CLDN10: variants seen among roughly 807,000 people sequenced by gnomAD.
CLDN10 encodes the protein claudin 10, also known as claudin-10.
Under a neutral mutation model 22.9 loss-of-function variants are expected in CLDN10, and 15 were observed. The observed-to-expected ratio is 0.65, with a 90% CI of 0.44 to 1.01. CLDN10 has a LOEUF of 1.01. CLDN10 is among the 50% of genes least tolerant of loss of function. CLDN10 has a pLI of 0.00. For missense variants in CLDN10, 247 were observed against 287.8 expected (o/e 0.86, Z 1.03); for synonymous variants, 114 against 111.4 (o/e 1.02, Z -0.15).
At chr13:95,506,737 AG>A (rs2043042762) in intron 1 of CLDN10, among the ~76,000 whole-genome samples, 1 of 152,338 alleles carries the variant, frequency 6.6e-6, no homozygotes, top group Admixed American at 6.5e-5. Flanking sequence ...GTTGTAGTCT[AG>A]GGTCCATCAG....
chr13:95,529,964 C>G (rs1318782857), intron 1 of CLDN10, among the ~76,000 whole-genome samples: 1 of 152,032 alleles, frequency 6.6e-6, no homozygotes, highest in Non-Finnish European at 1.5e-5. Flanking sequence ...AGGTCACTTT[C>G]ACTATTTAAA....
intron 1 of CLDN10, among the ~76,000 whole-genome samples, chr13:95,524,789 G>T (rs981114461): frequency 6.6e-6 from 1 of 151,846 alleles, no homozygotes; most frequent in Non-Finnish European, 1.5e-5. Flanking sequence ...ATGTATGAGG[G>T]TTCTAATTTC....
chr13:95,435,044 T>C (rs1008710275), intron 1 of CLDN10, among the ~76,000 whole-genome samples: 1 of 152,218 alleles, frequency 6.6e-6, no homozygotes, highest in African/African-American at 2.4e-5. Flanking sequence ...GGGCAAGCTT[T>C]CATCGTTGTG....
At chr13:95,458,376 T>C (rs1157826953) in intron 1 of CLDN10, among the ~76,000 whole-genome samples, 1 of 152,152 alleles carries the variant, frequency 6.6e-6, no homozygotes, top group Non-Finnish European at 1.5e-5. Context: ...ATTTTCACAT[T>C]GCTATAAGGA....
intron 1 of CLDN10, among the ~76,000 whole-genome samples, chr13:95,493,046 C>T (rs530251261): frequency 2.6e-5 from 4 of 152,304 alleles, no homozygotes; most frequent in East Asian, 1.9e-4. Flanking sequence ...CCTGCAGGGG[C>T]AGTCCGCTTC....
chr13:95,555,703 C>T (rs2043630290), intron 1 of CLDN10, among the ~76,000 whole-genome samples: 1 of 152,188 alleles, frequency 6.6e-6, no homozygotes. Flanking sequence ...CTGTATCTCT[C>T]AGAATAACAT....
intron 1 of CLDN10, among the ~76,000 whole-genome samples, chr13:95,539,340 T>A (rs1037736682): frequency 2.6e-5 from 4 of 152,248 alleles, no homozygotes; most frequent in African/African-American, 9.6e-5. Context: ...GCATTACAAT[T>A]GGATTGTGAA....
At chr13:95,494,206 C>T (rs979072670) in intron 1 of CLDN10, among the ~76,000 whole-genome samples, 15 of 152,132 alleles carry the variant, frequency 9.9e-5, no homozygotes, top group African/African-American at 3.6e-4. Flanking sequence ...TTAATTTGTC[C>T]TGACAACCTT....
At chr13:95,561,734 T>G (rs1191974778) in intron 3 of CLDN10, among the ~76,000 whole-genome samples, 1 of 151,894 alleles carries the variant, frequency 6.6e-6, no homozygotes, top group Non-Finnish European at 1.5e-5. Flanking sequence ...ATATGCTACA[T>G]GTACTGTTCA....
chr13:95,535,903 A>G (rs939707741), intron 1 of CLDN10, among the ~76,000 whole-genome samples: 2 of 152,172 alleles, frequency 1.3e-5, no homozygotes, highest in African/African-American at 4.8e-5. Context: ...AGCAACTATG[A>G]AAAAGGTGCA....
chr13:95,526,337 A>T (rs1213890208), intron 1 of CLDN10, among the ~76,000 whole-genome samples: 1 of 152,150 alleles, frequency 6.6e-6, no homozygotes, highest in Non-Finnish European at 1.5e-5. Context: ...GTTCTTCAGC[A>T]TGGGAATTTA....
In CLDN10 at chr13:95,538,304, G is replaced by GT. The variant is rs1026577848; in HGVS notation, c.215-21821dup. 3.3e-5 allele frequency among the ~76,000 whole-genome samples: 5 copies of GT among 151,290 alleles called. No individual in the cohort carries two copies. In the East Asian group the frequency reaches 5.8e-4, roughly 18 times the overall value. ...AGGCGCCCACCACCACGCCTGGCTA[G>GT]TTTTTTTGTATTTTTTGTAGAGACA... is the stretch of plus-strand genomic sequence containing the variant. On this transcript the variant is annotated intron_variant, in intron 1 of 4. Transcript: ENST00000376873.
intron 1 of CLDN10, among the ~76,000 whole-genome samples, chr13:95,471,410 CACACATAT>C (rs1237697757): frequency 1.6e-5 from 2 of 127,916 alleles, no homozygotes; most frequent in African/African-American, 6.3e-5. Flanking sequence ...TATATACACA[CACACATAT>C]ACACACACAC....
In CLDN10 at chr13:95,522,301, CA is replaced by C. The variant is rs551025626; in HGVS notation, c.215-37829del. Among the ~76,000 whole-genome samples the C allele has an allele frequency of 1.2e-3, 187 of 152,112 alleles. 1 individual carries two copies. The highest frequency in any genetic ancestry group is 4.4e-3 in the African/African-American group (181 of 41,554). On this transcript the variant is annotated intron_variant, in intron 1 of 4. Coordinates refer to the CLDN10 transcript ENST00000376873. ...TAAATACTGCTTCACTTGCATTCCA[CA>C]AGTTTTAATGTCTTGTATTTCTATT...
intron 3 of CLDN10, among the ~76,000 whole-genome samples, chr13:95,575,263 C>T (rs966351912): frequency 6.6e-5 from 10 of 152,220 alleles, no homozygotes; most frequent in South Asian, 6.2e-4. Context: ...TAATAATGTA[C>T]TTCATGCAGA....
upstream of CLDN10, among the ~76,000 whole-genome samples, chr13:95,551,471 C>T (rs949219186): frequency 6.6e-6 from 1 of 152,012 alleles, no homozygotes; most frequent in Admixed American, 6.5e-5. Context: ...TGTCCAGCTT[C>T]CTCTCTTCTC....
At chr13:95,464,924 A>T (rs1310076309) in intron 1 of CLDN10, among the ~76,000 whole-genome samples, 1 of 151,988 alleles carries the variant, frequency 6.6e-6, no homozygotes, top group African/African-American at 2.4e-5. Flanking sequence ...ATGATGTTTC[A>T]CCATGTTGCC....
chr13:95,445,923 T>C (rs183953851), intron 1 of CLDN10, among the ~76,000 whole-genome samples: 16 of 152,342 alleles, frequency 1.1e-4, no homozygotes, highest in Admixed American at 7.2e-4. Context: ...TTGCACACCG[T>C]ATATTTTAAG....
intron 1 of CLDN10, among the ~76,000 whole-genome samples, chr13:95,506,745 T>C (rs2043042835): frequency 6.6e-6 from 1 of 152,186 alleles, no homozygotes; most frequent in Admixed American, 6.5e-5. Context: ...CTAGGGTCCA[T>C]CAGCCTTCTG....
Sources: gnomAD v4.1 joint callset for allele counts (sites outside exome capture counted in the v4.1 genomes callset) on GRCh38, gnomAD v4.1.1 for gene constraint, MANE v1.5 for transcripts, NCBI Gene and HGNC (gene_info 2026-07-23, HGNC 2026-07-21) for gene names.